CDH9: variants seen among roughly 807,000 people sequenced by gnomAD.
CDH9 encodes cadherin 9.
Under a neutral mutation model 70.9 loss-of-function variants are expected in CDH9, and 28 were observed. The ratio of observed to expected loss-of-function variants is 0.40; its 90% CI spans 0.29 to 0.54. The LOEUF (loss-of-function observed/expected upper bound fraction) is 0.54, where lower values mean the gene tolerates loss of function less well. CDH9 is among the 20% of genes least tolerant of loss of function. The pLI is 0.59. For synonymous variants in CDH9, 409 were observed against 343.1 expected, an observed-to-expected ratio of 1.19 and a Z score of -2.12; for missense variants, 874 against 984.4, an observed-to-expected ratio of 0.89 and a Z score of 1.50.
intron 1 of CDH9, among the ~76,000 whole-genome samples, chr5:26,997,996 T>C (rs923033266): frequency 3.3e-5 from 5 of 151,944 alleles, no homozygotes; most frequent in Admixed American, 2.6e-4. Context: ...CCATGCCTGA[T>C]TGGTTAATGT....
At position 26,881,502 on chromosome 5, in the gene CDH9, ATCT is replaced by A; in HGVS notation, c.2001_2003del (p.Glu667del). On this transcript the variant is annotated inframe_deletion, in exon 12 of 12. Transcript: ENST00000231021. Reference sequence around the variant, plus strand: ...ATGTGCCAATGTCAAAAGCTTGGGTATCTTCTTCCCCGCCGCCTTCATCGTTGT... The same window carrying A: ...ATGTGCCAATGTCAAAAGCTTGGGTATCTTCCCCGCCGCCTTCATCGTTGT... 6.2e-7 allele frequency: 1 copy of A among 1,613,786 alleles called. No individual in the cohort carries two copies. Among genetic ancestry groups the A allele is most frequent in the Non-Finnish European group, 8.5e-7 (1 of 1,179,808 alleles).
intron 7 of CDH9, among the ~76,000 whole-genome samples, chr5:26,895,487 A>C (rs2111978999): frequency 6.6e-6 from 1 of 152,116 alleles, no homozygotes; most frequent in Non-Finnish European, 1.5e-5. Flanking sequence ...CTCACCAGAA[A>C]GTTTGTTTTG....
At chr5:26,986,451 A>G (rs988610379) in intron 2 of CDH9, among the ~76,000 whole-genome samples, 6 of 152,168 alleles carry the variant, frequency 3.9e-5, no homozygotes, top group Admixed American at 1.3e-4. Context: ...ATTTTAAACT[A>G]TAATGTATAT....
intron 2 of CDH9, among the ~76,000 whole-genome samples, chr5:26,952,690 TTGGTCCTCATGAAAAGATGAAAAG>T (rs1385485738): frequency 6.8e-6 from 1 of 147,026 alleles, no homozygotes; most frequent in Non-Finnish European, 1.5e-5. Context: ...TCATGAGGGC[TTGGTCCTCATGAAAAGATGAAAAG>T]TAGTCCTCAT....
At chr5:27,002,092 C>T (rs930676587) in intron 1 of CDH9, among the ~76,000 whole-genome samples, 11 of 151,960 alleles carry the variant, frequency 7.2e-5, no homozygotes, top group African/African-American at 2.7e-4. Context: ...ACAAACAACC[C>T]CATCAAAAAG....
chr5:26,973,443 A>ATT (rs34472789), intron 2 of CDH9, among the ~76,000 whole-genome samples: 1 of 147,818 alleles, frequency 6.8e-6, no homozygotes, highest in African/African-American at 2.5e-5. Flanking sequence ...TTTATTTTGT[A>ATT]TTTTTTTTTT....
chr5:27,035,022 C>CTCTA lies in CDH9; in HGVS notation c.-50+3437_-50+3440dup, dbSNP rs529739473. On this transcript the variant is annotated intron_variant, in intron 1 of 11. Coordinates refer to ENST00000231021, the MANE Select transcript of CDH9 (RefSeq NM_016279.4). The stretch of plus-strand genomic sequence containing the variant: ...TCATTGTTTTCAATAATCTATACAA[C>CTCTA]TCTATCTATCTATCTATCTAATCTA... Among the ~76,000 whole-genome samples the CTCTA allele has an allele frequency of 6.6e-3, 996 of 151,188 alleles. 10 individuals are homozygous for CTCTA. The highest frequency in any genetic ancestry group is 9.5e-3 in the Non-Finnish European group (645 of 67,592).
At chr5:26,886,506 C>T (rs939502445) in intron 9 of CDH9, among the ~76,000 whole-genome samples, 12 of 151,982 alleles carry the variant, frequency 7.9e-5, no homozygotes, top group South Asian at 2.1e-4. Context: ...TTTAAAAACA[C>T]CAATGCTTAG....
intron 2 of CDH9, among the ~76,000 whole-genome samples, chr5:26,946,269 A>G (rs1297310819): frequency 6.6e-6 from 1 of 152,168 alleles, no homozygotes; most frequent in Non-Finnish European, 1.5e-5. Context: ...AATATCCCAG[A>G]TTCCTTCCTG....
intron 3 of CDH9, among the ~76,000 whole-genome samples, chr5:26,913,875 T>C (rs1741098505): frequency 6.6e-6 from 1 of 151,832 alleles, no homozygotes; most frequent in Non-Finnish European, 1.5e-5. Context: ...ACAAAATACA[T>C]TTGAATTATG....
intron 1 of CDH9, among the ~76,000 whole-genome samples, chr5:27,033,481 T>C (rs10067894): frequency 2.7e-5 from 4 of 148,812 alleles, no homozygotes; most frequent in East Asian, 2.0e-4. Context: ...GACAGACAGA[T>C]AGACAGACAG....
intron 2 of CDH9, among the ~76,000 whole-genome samples, chr5:26,976,258 GA>G (rs1742301141): frequency 6.6e-6 from 1 of 152,130 alleles, no homozygotes; most frequent in Non-Finnish European, 1.5e-5. Flanking sequence ...TATATGAACA[GA>G]AATAGTGATG....
chr5:27,022,823 G>A (rs1181486640), intron 1 of CDH9, among the ~76,000 whole-genome samples: 2 of 152,032 alleles, frequency 1.3e-5, no homozygotes, highest in African/African-American at 4.8e-5. Context: ...GTGCTAAACC[G>A]GTCACCAACA....
At chr5:26,998,203 G>A (rs975724692) in intron 1 of CDH9, among the ~76,000 whole-genome samples, 11 of 152,120 alleles carry the variant, frequency 7.2e-5, no homozygotes, top group African/African-American at 2.6e-4. Context: ...CAACAGATTG[G>A]GGTCTGTGAA....
intron 3 of CDH9, among the ~76,000 whole-genome samples, chr5:26,912,566 C>T (rs961661742): frequency 6.6e-6 from 1 of 151,112 alleles, no homozygotes; most frequent in African/African-American, 2.4e-5. Flanking sequence ...GTTTTATCCC[C>T]TTATATTCTT....
chr5:26,919,524 G>A (rs193050227), intron 2 of CDH9, among the ~76,000 whole-genome samples: 1 of 152,272 alleles, frequency 6.6e-6, no homozygotes, highest in East Asian at 1.9e-4. Context: ...GACAAGTCCT[G>A]GTGCCTTGCT....
chr5:26,918,815 A>G (rs1741193022), intron 2 of CDH9, among the ~76,000 whole-genome samples: 1 of 152,198 alleles, frequency 6.6e-6, no homozygotes, highest in Non-Finnish European at 1.5e-5. Context: ...TTGGACTCAG[A>G]CTGAAACTAT....
intron 2 of CDH9, among the ~76,000 whole-genome samples, chr5:26,930,898 A>G (rs1452639315): frequency 1.3e-5 from 2 of 152,106 alleles, no homozygotes; most frequent in Non-Finnish European, 2.9e-5. Flanking sequence ...TTTATTTTAG[A>G]CATATTAGCT....
chr5:26,897,473 G>A (rs1342419480), intron 7 of CDH9, among the ~76,000 whole-genome samples: 1 of 152,086 alleles, frequency 6.6e-6, no homozygotes, highest in African/African-American at 2.4e-5. Flanking sequence ...TATCAACCAC[G>A]ATCAAGTTGG....
Sources: allele counts gnomAD v4.1 joint callset (sites outside exome capture counted in the v4.1 genomes callset), GRCh38; gene constraint gnomAD v4.1.1; transcripts MANE v1.5; gene names NCBI Gene and HGNC (gene_info 2026-07-23, HGNC 2026-07-21).